PPP2R2B: variants seen among roughly 807,000 people sequenced by gnomAD.
PPP2R2B encodes protein phosphatase 2 regulatory subunit Bbeta, also known as serine/threonine-protein phosphatase 2A 55 kDa regulatory subunit B beta isoform.
In PPP2R2B, 5 loss-of-function variants were observed where a neutral mutation model predicts 46.0. That is an observed-to-expected ratio of 0.11 (90% CI 0.06 to 0.23). PPP2R2B has a LOEUF of 0.23. Ranked by LOEUF, PPP2R2B falls within the 10% of genes least tolerant of loss-of-function variation. The pLI is 1.00. For missense variants in PPP2R2B, 367 were observed against 575.0 expected (o/e 0.64, Z 3.70); for synonymous variants, 215 against 206.7 (o/e 1.04, Z -0.34).
At chr5:146,728,853 T>C (rs1016498565) in intron 2 of PPP2R2B, among the ~76,000 whole-genome samples, 2 of 152,216 alleles carry the variant, frequency 1.3e-5, no homozygotes, top group African/African-American at 2.4e-5. Context: ...TGTGGAACCA[T>C]ATAAGTCCAA....
intron 1 of PPP2R2B, among the ~76,000 whole-genome samples, chr5:146,973,336 C>T (rs888837935): frequency 6.6e-6 from 1 of 152,216 alleles, no homozygotes; most frequent in African/African-American, 2.4e-5. Context: ...AGCAAAACAA[C>T]ATAAACTCTC....
chr5:146,619,599 A>G (rs527478353), intron 7 of PPP2R2B, among the ~76,000 whole-genome samples: 1 of 152,324 alleles, frequency 6.6e-6, no homozygotes, highest in South Asian at 2.1e-4. Context: ...AGGAACTCTA[A>G]TTTTTTCATG....
chr5:147,056,086 C>CT, upstream of PPP2R2B: 1 of 1,083,558 alleles, frequency 9.2e-7, no homozygotes, highest in Non-Finnish European at 1.1e-6. Flanking sequence ...AAACCTCTAC[C>CT]TTTTCCCGTG....
chr5:146,697,426 C>A (rs1478292081), intron 4 of PPP2R2B, among the ~76,000 whole-genome samples: 1 of 152,200 alleles, frequency 6.6e-6, no homozygotes, highest in Admixed American at 6.5e-5. Context: ...CCTCCTCATC[C>A]AACAAATGGT....
intron 1 of PPP2R2B, among the ~76,000 whole-genome samples, chr5:147,014,956 T>G (rs1357485051): frequency 6.6e-6 from 1 of 152,062 alleles, no homozygotes; most frequent in Non-Finnish European, 1.5e-5. Flanking sequence ...GATATCTCAT[T>G]ATGTATTTGC....
chr5:147,064,780 G>A (rs1046976465), intron 2 of PPP2R2B, among the ~76,000 whole-genome samples: 2 of 152,172 alleles, frequency 1.3e-5, no homozygotes, highest in African/African-American at 4.8e-5. Flanking sequence ...ACTGATACCA[G>A]CACATTGAAA....
intron 1 of PPP2R2B, among the ~76,000 whole-genome samples, chr5:147,019,771 A>T (rs1755175111): frequency 6.6e-6 from 1 of 152,168 alleles, no homozygotes; most frequent in South Asian, 2.1e-4. Flanking sequence ...TGTAGCATGT[A>T]AGAGATGTTA....
chr5:146,783,406 C>T (rs1256317012), intron 2 of PPP2R2B, among the ~76,000 whole-genome samples: 1 of 152,086 alleles, frequency 6.6e-6, no homozygotes, highest in Non-Finnish European at 1.5e-5. Context: ...TAATAATTTC[C>T]ACAAAAATGC....
chr5:146,666,755 A>G (rs1199588189), intron 5 of PPP2R2B, among the ~76,000 whole-genome samples: 1 of 152,228 alleles, frequency 6.6e-6, no homozygotes, highest in Admixed American at 6.5e-5. Flanking sequence ...GCTTCACTGA[A>G]CACAATCTAC....
chr5:146,615,359 G>A (rs1212054578), intron 7 of PPP2R2B, among the ~76,000 whole-genome samples: 1 of 86,868 alleles, frequency 1.2e-5, no homozygotes, highest in Non-Finnish European at 2.2e-5. Context: ...TGGTGGGGTC[G>A]GGGGAGGGGG....
intron 1 of PPP2R2B, among the ~76,000 whole-genome samples, chr5:146,954,740 A>G (rs900756842): frequency 7.0e-6 from 1 of 143,652 alleles, no homozygotes; most frequent in Non-Finnish European, 1.5e-5. Flanking sequence ...GTATACATAT[A>G]TGAATATGTG....
At chr5:146,604,284 C>T (rs1772057422) in intron 7 of PPP2R2B, among the ~76,000 whole-genome samples, 1 of 152,196 alleles carries the variant, frequency 6.6e-6, no homozygotes, top group Non-Finnish European at 1.5e-5. Context: ...TCTCATGCCC[C>T]CTGCAATATC....
intron 6 of PPP2R2B, 117 bp from the exon 7 acceptor site, chr5:146,638,532 A>G (rs960097638): frequency 1.0e-5 from 10 of 964,854 alleles, no homozygotes; most frequent in Non-Finnish European, 1.3e-5. Context: ...TGCTATGCAC[A>G]TGGTAGATCC....
Position 146,890,340 on chromosome 5 carries a change from A to C in PPP2R2B, c.79+165325T>G, listed in dbSNP as rs138115142. Among the ~76,000 whole-genome samples the C allele has an allele frequency of 1.9e-3, 295 of 152,298 alleles. 1 individual carries two copies. Among genetic ancestry groups the C allele is most frequent in the African/African-American group, 6.7e-3 (280 of 41,564 alleles). On this transcript the variant is annotated intron_variant, in intron 1 of 8. Coordinates refer to the PPP2R2B transcript ENST00000336640. ...GCCACGGCTGTAGAGGTCAGGTTGG[A>C]AGCCTTTATGCTCAGTTCTATTATC... is the stretch of plus-strand genomic sequence containing the variant.
At chr5:146,595,794 C>T (rs1231832750) in intron 8 of PPP2R2B, among the ~76,000 whole-genome samples, 1 of 152,226 alleles carries the variant, frequency 6.6e-6, no homozygotes, top group Non-Finnish European at 1.5e-5. Context: ...GAACTTAAAA[C>T]TCATCCTATT....
chr5:146,600,621 A>G (rs1416544879), intron 7 of PPP2R2B, among the ~76,000 whole-genome samples, 161 bp from the exon 8 acceptor site: 1 of 152,174 alleles, frequency 6.6e-6, no homozygotes, highest in African/African-American at 2.4e-5. Context: ...TCTCTCTGGT[A>G]GCGGAAAAAG....
At chr5:146,992,242 G>A (rs1397423299) in intron 1 of PPP2R2B, among the ~76,000 whole-genome samples, 1 of 152,110 alleles carries the variant, frequency 6.6e-6, no homozygotes, top group African/African-American at 2.4e-5. Context: ...TTTCACAAAG[G>A]TGCCAAGAAT....
intron 5 of PPP2R2B, among the ~76,000 whole-genome samples, chr5:146,672,539 G>A (rs1000696516): frequency 6.6e-6 from 1 of 152,088 alleles, no homozygotes; most frequent in African/African-American, 2.4e-5. Context: ...GACACATAAA[G>A]GGTAAGCAGA....
chr5:146,898,455 C>T (rs1371777429), intron 1 of PPP2R2B, among the ~76,000 whole-genome samples: 1 of 151,978 alleles, frequency 6.6e-6, no homozygotes, highest in Non-Finnish European at 1.5e-5. Flanking sequence ...CTTCCTTACA[C>T]CTTATACAAA....
Sources: gnomAD v4.1 joint callset for allele counts (sites outside exome capture counted in the v4.1 genomes callset) on GRCh38, gnomAD v4.1.1 for gene constraint, MANE v1.5 for transcripts, NCBI Gene and HGNC (gene_info 2026-07-23, HGNC 2026-07-21) for gene names.